Variants in GRM8 observed in about 807,000 individuals in gnomAD.
GRM8 encodes the protein glutamate metabotropic receptor 8.
Under a neutral mutation model 87.2 loss-of-function variants are expected in GRM8, and 47 were observed. That is an observed-to-expected ratio of 0.54 (90% CI 0.43 to 0.69). GRM8 has a LOEUF of 0.69. Among genes scored for constraint, GRM8 ranks in the 30% least tolerant of loss-of-function variants. The pLI is 0.00. For missense variants in GRM8, 1,019 were observed against 1,139.2 expected (o/e 0.89, Z 1.52); for synonymous variants, 396 against 404.5 (o/e 0.98, Z 0.25).
At chr7:127,245,813 G>T (rs1316125271) in intron 1 of GRM8, among the ~76,000 whole-genome samples, 1 of 152,194 alleles carries the variant, frequency 6.6e-6, no homozygotes, top group Non-Finnish European at 1.5e-5. Context: ...TTCCGTCTCT[G>T]GAACACAGAA....
intron 3 of GRM8, among the ~76,000 whole-genome samples, chr7:127,001,698 T>C (rs893321502): frequency 1.3e-5 from 2 of 151,542 alleles, no homozygotes; most frequent in African/African-American, 4.8e-5. Flanking sequence ...GACCCAACAA[T>C]TCCAAGAGTA....
At chr7:127,107,498 T>C (rs865914174) in intron 2 of GRM8, among the ~76,000 whole-genome samples, 21 of 152,302 alleles carry the variant, frequency 1.4e-4, no homozygotes, top group Middle Eastern at 3.4e-3. Context: ...GTATAGTAAC[T>C]CCTCTGCTGC....
chr7:126,650,455 G>A (rs939359152), intron 7 of GRM8, among the ~76,000 whole-genome samples: 3 of 152,104 alleles, frequency 2.0e-5, no homozygotes, highest in African/African-American at 7.2e-5. Flanking sequence ...ATCCCTGAAG[G>A]ACAGCAGTGA....
intron 9 of GRM8, among the ~76,000 whole-genome samples, chr7:126,523,289 T>G (rs1813272331): frequency 6.6e-6 from 1 of 152,200 alleles, no homozygotes; most frequent in African/African-American, 2.4e-5. Flanking sequence ...GATTTATACT[T>G]GAATAATCTT....
intron 7 of GRM8, among the ~76,000 whole-genome samples, chr7:126,719,873 A>G (rs1213382548): frequency 6.6e-6 from 1 of 150,980 alleles, no homozygotes; most frequent in Non-Finnish European, 1.5e-5. Flanking sequence ...AAAGAAATAC[A>G]AGGTATTTAC....
intron 9 of GRM8, among the ~76,000 whole-genome samples, chr7:126,478,001 G>A (rs1315230111): frequency 6.6e-6 from 1 of 152,050 alleles, no homozygotes; most frequent in Admixed American, 6.6e-5. Context: ...CTGCTTCCAT[G>A]TCCACATGGC....
intron 2 of GRM8, among the ~76,000 whole-genome samples, chr7:127,236,670 G>A (rs1471356690): frequency 6.6e-6 from 1 of 152,174 alleles, no homozygotes; most frequent in Admixed American, 6.5e-5. Context: ...TTTGGGTGGG[G>A]ACACAAAGCC....
chr7:126,618,714 G>T (rs907911631), intron 7 of GRM8, among the ~76,000 whole-genome samples: 2 of 152,050 alleles, frequency 1.3e-5, no homozygotes, highest in Admixed American at 6.6e-5. Context: ...GTGCGCAAAG[G>T]ATATGAACAG....
chr7:126,961,607 C>A (rs1809331725), intron 3 of GRM8, among the ~76,000 whole-genome samples: 1 of 152,142 alleles, frequency 6.6e-6, no homozygotes, highest in Non-Finnish European at 1.5e-5. Context: ...TCCTGCCTCA[C>A]CACAGAGCAG....
intron 7 of GRM8, among the ~76,000 whole-genome samples, chr7:126,708,566 G>A (rs1332504105): frequency 6.7e-6 from 1 of 150,286 alleles, no homozygotes; most frequent in African/African-American, 2.4e-5. Context: ...ATCATATATA[G>A]ATTATATATC....
rs541156958 is a variant in GRM8 at position 127,082,886 on chromosome 7, G to C, written c.727+23610C>G. ...CATTTGTCTAACATAGTCACGCAGT[G>C]ATGTCACTAGGCAAGTGCCAGAGCG... On this transcript the variant is annotated intron_variant, in intron 3 of 10. Transcript: ENST00000339582. Among the ~76,000 whole-genome samples, 4 of 152,302 alleles carry C rather than the reference G, an allele frequency of 2.6e-5. No individual in the cohort carries two copies. In the East Asian group the frequency reaches 5.8e-4, roughly 22 times the overall value.
intron 7 of GRM8, among the ~76,000 whole-genome samples, chr7:126,614,113 T>A (rs1799200177): frequency 6.6e-6 from 1 of 152,200 alleles, no homozygotes; most frequent in African/African-American, 2.4e-5. Context: ...GTAGCCTAAC[T>A]GGGAGGCACC....
chr7:126,972,835 G>A (rs980046721), intron 3 of GRM8, among the ~76,000 whole-genome samples: 7 of 152,150 alleles, frequency 4.6e-5, no homozygotes, highest in African/African-American at 1.7e-4. Flanking sequence ...CTTTGACTAT[G>A]CTCATTATGC....
At chr7:126,608,108 G>A (rs982460711) in intron 8 of GRM8, among the ~76,000 whole-genome samples, 1 of 151,724 alleles carries the variant, frequency 6.6e-6, no homozygotes, top group African/African-American at 2.4e-5. Flanking sequence ...TCACCTGGTG[G>A]TAAGTAGATG....
intron 6 of GRM8, among the ~76,000 whole-genome samples, chr7:126,780,645 G>A (rs1002294310): frequency 6.6e-6 from 1 of 151,592 alleles, no homozygotes; most frequent in African/African-American, 2.4e-5. Context: ...GCCCATTGAT[G>A]GGGGCAGCAG....
chr7:126,504,656 G>T (rs1487118910), intron 9 of GRM8, among the ~76,000 whole-genome samples: 1 of 151,864 alleles, frequency 6.6e-6, no homozygotes, highest in Non-Finnish European at 1.5e-5. Flanking sequence ...CAAAATAAAA[G>T]TTTTTAAAAA....
chr7:127,018,230 C>T (rs374998258), intron 3 of GRM8, among the ~76,000 whole-genome samples: 9 of 151,862 alleles, frequency 5.9e-5, no homozygotes, highest in Admixed American at 2.6e-4. Flanking sequence ...CCTCACTTTG[C>T]CTGGAGTGTT....
chr7:126,970,459 T>C (rs1418213545), intron 3 of GRM8, among the ~76,000 whole-genome samples: 1 of 152,174 alleles, frequency 6.6e-6, no homozygotes, highest in Non-Finnish European at 1.5e-5. Context: ...TCAGATTCTT[T>C]TTCTGCAGCT....
At chr7:127,077,228 C>T (rs1563482857) in intron 3 of GRM8, among the ~76,000 whole-genome samples, 1 of 152,188 alleles carries the variant, frequency 6.6e-6, no homozygotes, top group Non-Finnish European at 1.5e-5. Context: ...GGTATTCACT[C>T]TAGCCCTCTC....
Sources: gnomAD v4.1 joint callset for allele counts (sites outside exome capture counted in the v4.1 genomes callset) on GRCh38, gnomAD v4.1.1 for gene constraint, MANE v1.5 for transcripts, NCBI Gene and HGNC (gene_info 2026-07-23, HGNC 2026-07-21) for gene names.